UGT2B7: variants seen among roughly 807,000 people sequenced by gnomAD.
The protein encoded by UGT2B7 is UDP glucuronosyltransferase family 2 member B7, also known as UDP-glucuronosyltransferase 2B7.
A neutral mutation model predicts 51.9 loss-of-function variants in UGT2B7; 51 were observed. That is an observed-to-expected ratio of 0.98 (90% CI 0.78 to 1.24). UGT2B7 has a LOEUF of 1.24. Among genes scored for constraint, UGT2B7 ranks in the 50% most tolerant of loss-of-function variants. The pLI, the probability that UGT2B7 is intolerant of heterozygous loss-of-function variation, is 0.00. For missense variants in UGT2B7, 727 were observed against 628.4 expected, an observed-to-expected ratio of 1.16 and a Z score of -1.68; for synonymous variants, 225 against 211.6, an observed-to-expected ratio of 1.06 and a Z score of -0.55.
intron 1 of UGT2B7, among the ~76,000 whole-genome samples, chr4:69,077,815 G>A (rs562569259): frequency 2.0e-5 from 3 of 152,120 alleles, no homozygotes; most frequent in South Asian, 4.1e-4. Flanking sequence ...CCAATACTAT[G>A]TTGAATAGAA....
chr4:69,102,595 T>G (rs529428580), intron 2 of UGT2B7, among the ~76,000 whole-genome samples: 1 of 152,180 alleles, frequency 6.6e-6, no homozygotes, highest in South Asian at 2.1e-4. Context: ...TACACACATA[T>G]TTACACAAAT....
At chr4:69,071,200 T>C (rs536806506) in intron 1 of UGT2B7, among the ~76,000 whole-genome samples, 1 of 152,234 alleles carries the variant, frequency 6.6e-6, no homozygotes, top group Admixed American at 6.5e-5. Context: ...ATTATAATGT[T>C]ACATGATTTC....
At chr4:69,064,025 A>AAAGAAAGAAAGAAAG (rs1718416657) in intron 1 of UGT2B7, among the ~76,000 whole-genome samples, 1 of 55,586 alleles carries the variant, frequency 1.8e-5, no homozygotes, top group Non-Finnish European at 3.3e-5. Context: ...GATGGGAAAG[A>AAAGAAAGAAAGAAAG]AAGAAAGAAA....
chr4:69,070,841 C>A (rs545347294), intron 1 of UGT2B7, among the ~76,000 whole-genome samples: 1 of 152,120 alleles, frequency 6.6e-6, no homozygotes, highest in South Asian at 2.1e-4. Context: ...TAAACTTGGC[C>A]AACTCTCTTA....
intron 1 of UGT2B7, chr4:69,067,662 T>C (rs1718510327): frequency 6.5e-6 from 1 of 153,924 alleles, no homozygotes; most frequent in African/African-American, 2.4e-5. Flanking sequence ...GTGTTCATAC[T>C]TTCTCACATG....
chr4:69,064,032 GA>G (rs1718417450), intron 1 of UGT2B7, among the ~76,000 whole-genome samples: 8 of 69,974 alleles, frequency 1.1e-4, no homozygotes, highest in Non-Finnish European at 1.8e-4. Flanking sequence ...AAGAAAGAAA[GA>G]AAGAAAGAAA....
rs1560510566 is a variant in UGT2B7, at chr4:69,102,803, A to C, written c.871-4A>C. 6.2e-7 allele frequency: 1 copy of C among 1,611,398 alleles called. No homozygotes were observed. Among genetic ancestry groups the C allele is most frequent in the Admixed American group, 1.7e-5 (1 of 59,404 alleles). On this transcript the variant is annotated splice_polypyrimidine_tract_variant and splice_region_variant and intron_variant, in intron 2 of 5. Coordinates refer to ENST00000305231, the MANE Select transcript of UGT2B7 (RefSeq NM_001074.4). ...TTGTGATGAAGCAAATTCTTTCTTC[A>C]CAGGAAATGGAAGACTTTGTACAGA...
intron 1 of UGT2B7, among the ~76,000 whole-genome samples, chr4:69,067,866 G>A (rs915797779): frequency 6.6e-6 from 1 of 151,978 alleles, no homozygotes; most frequent in Non-Finnish European, 1.5e-5. Flanking sequence ...TAAAATAAGA[G>A]GAATTACTAA....
At chr4:69,087,058 C>G (rs1331586950) in intron 1 of UGT2B7, among the ~76,000 whole-genome samples, 1 of 150,910 alleles carries the variant, frequency 6.6e-6, no homozygotes, top group African/African-American at 2.4e-5. Flanking sequence ...CTCTGTCTCT[C>G]TTTCTCTCTC....
intron 1 of UGT2B7, among the ~76,000 whole-genome samples, chr4:69,058,446 C>T (rs943457124): frequency 6.6e-5 from 10 of 152,158 alleles, no homozygotes; most frequent in Non-Finnish European, 5.9e-5. Flanking sequence ...AAGAGGACCC[C>T]GACTAGGACC....
At chr4:69,111,585 T>A (rs2109896836) in intron 5 of UGT2B7, among the ~76,000 whole-genome samples, 1 of 152,322 alleles carries the variant, frequency 6.6e-6, no homozygotes. Context: ...AGATTGTTCA[T>A]AATACAAAGG....
chr4:69,085,179 G>A (rs1242655635), intron 1 of UGT2B7, among the ~76,000 whole-genome samples: 4 of 152,082 alleles, frequency 2.6e-5, no homozygotes, highest in Non-Finnish European at 5.9e-5. Flanking sequence ...GTGGGAGATG[G>A]TATCTCATTT....
At chr4:69,096,346 C>T (rs1170184543), upstream of UGT2B7, 15 of 977,616 alleles carry the variant, frequency 1.5e-5, no homozygotes, top group Non-Finnish European at 2.1e-5. Context: ...AGATCATTTA[C>T]CTTCATTTGT....
rs189168260 is a variant in UGT2B7 at position 69,057,470 on chromosome 4, G to A, written c.-159+5868G>A. On this transcript the variant is annotated intron_variant, in intron 1 of 5. Transcript: ENST00000502942. ...AATTGACACTACTGAAAACAGTATG[G>A]AGGTTTCTCAAAATATTTAACGTAA... Among the ~76,000 whole-genome samples, 13 of 152,308 alleles carry A rather than the reference G, an allele frequency of 8.5e-5. No homozygotes were observed. In the East Asian group the frequency reaches 2.5e-3, roughly 29 times the overall value.
At position 69,090,634 on chromosome 4, in the gene UGT2B7, C is replaced by A. The variant is rs148065514; in HGVS notation, c.-27+1031C>A. The stretch of plus-strand genomic sequence containing the variant: ...CTCATCCCCATGATTCAATTACCTC[C>A]ATCAAGTCCCTCCTACAACATGTGG... On this transcript the variant is annotated intron_variant, in intron 2 of 5. Transcript: ENST00000502942. Among the ~76,000 whole-genome samples the A allele has an allele frequency of 3.6e-3, 546 of 152,222 alleles. 1 individual carries two copies. The highest frequency in any genetic ancestry group is 0.012 in the African/African-American group (518 of 41,544).
At chr4:69,075,731 G>A (rs1237736530) in intron 1 of UGT2B7, among the ~76,000 whole-genome samples, 1 of 152,076 alleles carries the variant, frequency 6.6e-6, no homozygotes, top group Non-Finnish European at 1.5e-5. Flanking sequence ...CCCCACAATT[G>A]AGGGTAGTTT....
At chr4:69,103,239 A>G (rs1299693378) in intron 3 of UGT2B7, among the ~76,000 whole-genome samples, 1 of 152,102 alleles carries the variant, frequency 6.6e-6, no homozygotes, top group African/African-American at 2.4e-5. Flanking sequence ...TGAATTGTGT[A>G]TGTGATCTAC....
chr4:69,066,553 C>T (rs1718487581), intron 1 of UGT2B7: 2 of 152,032 alleles, frequency 1.3e-5, no homozygotes, highest in South Asian at 2.1e-4. Flanking sequence ...CAACAGAAAA[C>T]ACACTGTTGA....
intron 5 of UGT2B7, among the ~76,000 whole-genome samples, chr4:69,109,219 T>C (rs1228009123): frequency 6.6e-6 from 1 of 152,184 alleles, no homozygotes; most frequent in Non-Finnish European, 1.5e-5. Context: ...CTACACATGT[T>C]TTTGCATAAA....
Sources: allele counts gnomAD v4.1 joint callset (sites outside exome capture counted in the v4.1 genomes callset), GRCh38; gene constraint gnomAD v4.1.1; transcripts MANE v1.5; gene names NCBI Gene and HGNC (gene_info 2026-07-23, HGNC 2026-07-21).